CLIP1: variants seen among roughly 807,000 people sequenced by gnomAD.
The protein encoded by CLIP1 is CAP-Gly domain containing linker protein 1.
Under a neutral mutation model 161.6 loss-of-function variants are expected in CLIP1, and 66 were observed. That is an observed-to-expected ratio of 0.41 (90% CI 0.33 to 0.50). The LOEUF (loss-of-function observed/expected upper bound fraction) is 0.50. Among genes scored for constraint, CLIP1 ranks in the 20% least tolerant of loss-of-function variants. CLIP1 has a pLI of 0.27. For synonymous variants in CLIP1, 598 were observed against 626.2 expected (o/e 0.96, Z 0.67); for missense variants, 1,376 against 1,702.0 (o/e 0.81, Z 3.37).
At chr12:122,390,931 G>C (rs1011174157) in intron 1 of CLIP1, among the ~76,000 whole-genome samples, 2 of 152,126 alleles carry the variant, frequency 1.3e-5, no homozygotes, top group African/African-American at 4.8e-5. Context: ...CTACGCACCA[G>C]GGAGTAGGGC....
intron 20 of CLIP1, among the ~76,000 whole-genome samples, chr12:122,297,447 T>G (rs1423583209): frequency 2.0e-5 from 3 of 152,192 alleles, no homozygotes; most frequent in African/African-American, 7.2e-5. Context: ...TGTGAACGAA[T>G]GTGTCATAGT....
In CLIP1 at chr12:122,359,228, T is replaced by C. The variant is rs372014080; in HGVS notation, c.1005+1731A>G. On this transcript the variant is annotated intron_variant, in intron 5 of 25. Transcript: ENST00000620786. ...ATGGTGATTTTTGGCTTAGAAACCA[T>C]AAAGACACAAAAATAAGCTGTCTCA... 7.9e-5 allele frequency among the ~76,000 whole-genome samples: 12 copies of C among 152,288 alleles called. No individual in the cohort carries two copies. In the South Asian group the frequency reaches 2.1e-3, roughly 26 times the overall value.
At chr12:122,298,391 C>A (rs993093104) in intron 20 of CLIP1, among the ~76,000 whole-genome samples, 2 of 151,940 alleles carry the variant, frequency 1.3e-5, no homozygotes, top group African/African-American at 4.8e-5. Context: ...GGTGGATCAC[C>A]TGAGGTCGAG....
chr12:122,357,724 C>T (rs530336874), intron 5 of CLIP1, among the ~76,000 whole-genome samples: 10 of 143,072 alleles, frequency 7.0e-5, no homozygotes, highest in African/African-American at 2.6e-4. Flanking sequence ...CCGCCCCGTC[C>T]GGGAGGTGAG....
At chr12:122,332,277 A>T (rs1952009808) in intron 15 of CLIP1, among the ~76,000 whole-genome samples, 1 of 151,354 alleles carries the variant, frequency 6.6e-6, no homozygotes, top group South Asian at 2.1e-4. Flanking sequence ...ACTGGGCAAG[A>T]AGAGCAAAAC....
chr12:122,358,310 G>A (rs552805336), intron 5 of CLIP1, among the ~76,000 whole-genome samples: 3 of 151,890 alleles, frequency 2.0e-5, no homozygotes, highest in South Asian at 2.1e-4. Context: ...GCGGAAGGCC[G>A]CAGGGTCCTC....
chr12:122,418,188 G>A (rs1956819908), intron 1 of CLIP1, among the ~76,000 whole-genome samples: 1 of 151,950 alleles, frequency 6.6e-6, no homozygotes, highest in African/African-American at 2.4e-5. Flanking sequence ...ATTCACTGTT[G>A]TATCACCATC....
At chr12:122,337,514 C>T (rs1417794927) in intron 11 of CLIP1, among the ~76,000 whole-genome samples, 1 of 151,356 alleles carries the variant, frequency 6.6e-6, no homozygotes, top group Non-Finnish European at 1.5e-5. Flanking sequence ...GTCTCAAACT[C>T]CTAGACCCAA....
chr12:122,385,902 A>G (rs1252793694), intron 1 of CLIP1, among the ~76,000 whole-genome samples: 1 of 152,156 alleles, frequency 6.6e-6, no homozygotes, highest in Non-Finnish European at 1.5e-5. Context: ...AAGAGAATGC[A>G]GAGAAGAGGC....
chr12:122,349,308 T>A (rs1300056397), intron 9 of CLIP1, among the ~76,000 whole-genome samples: 1 of 152,246 alleles, frequency 6.6e-6, no homozygotes, highest in African/African-American at 2.4e-5. Flanking sequence ...CAAATACACA[T>A]TTAATGTGAT....
At chr12:122,408,650 TTC>T (rs752043105) in intron 1 of CLIP1, among the ~76,000 whole-genome samples, 3 of 151,852 alleles carry the variant, frequency 2.0e-5, no homozygotes, top group Non-Finnish European at 2.9e-5. Flanking sequence ...GCCCAGCCTA[TTC>T]TGTTTTTAAG....
intron 20 of CLIP1, among the ~76,000 whole-genome samples, chr12:122,297,703 G>A (rs1226371810): frequency 6.6e-6 from 1 of 152,208 alleles, no homozygotes; most frequent in Non-Finnish European, 1.5e-5. Context: ...TCCTGGAAGT[G>A]CAGAAGGTAA....
At chr12:122,353,926 C>CA (rs1294278937) in intron 7 of CLIP1, among the ~76,000 whole-genome samples, 1 of 151,900 alleles carries the variant, frequency 6.6e-6, no homozygotes, top group Non-Finnish European at 1.5e-5. Context: ...TCACTGCGCC[C>CA]AATCAGGCCA....
At chr12:122,379,151 A>C (rs940283655) in intron 2 of CLIP1, among the ~76,000 whole-genome samples, 8 of 151,818 alleles carry the variant, frequency 5.3e-5, no homozygotes, top group Admixed American at 2.6e-4. Context: ...ACCAAAAAAA[A>C]ACAAAAATTA....
At chr12:122,362,582 G>A (rs555492081) in intron 4 of CLIP1, among the ~76,000 whole-genome samples, 30 of 144,432 alleles carry the variant, frequency 2.1e-4, no homozygotes, top group East Asian at 1.2e-3. Flanking sequence ...CAGAGGTTGC[G>A]GTGAGCCAAG....
chr12:122,309,790 C>A lies in CLIP1; in HGVS notation c.3566G>T (p.Ser1189Ile). The stretch of plus-strand genomic sequence containing the variant: ...TTGATGACTTGTGACTTCGTCCCTG[C>A]TTCTCCCCAGCTCCTCAGCAAGTTT... ...NVKLAEELGR[S>I]RDEVTSHQKL... Residue 1189 changes from serine (S) to isoleucine (I), a missense_variant, in exon 20 of 26, where the codon AGC (serine) becomes ATC (isoleucine). Around this residue, in one of 6 missense-constraint regions of CLIP1, gnomAD observed 948 missense variants for 1,134.8 expected, o/e 0.84. Coordinates refer to ENST00000620786, the MANE Select transcript of CLIP1 (RefSeq NM_001247997.2). 4 of 1,613,126 alleles carry A rather than the reference C, an allele frequency of 2.5e-6. No homozygotes were observed. Among genetic ancestry groups the A allele is most frequent in the Non-Finnish European group, 2.5e-6 (3 of 1,180,030 alleles).
chr12:122,378,685 C>T (rs1210140429), intron 2 of CLIP1, among the ~76,000 whole-genome samples: 1 of 152,124 alleles, frequency 6.6e-6, no homozygotes, highest in Non-Finnish European at 1.5e-5. Flanking sequence ...ATTGAGTAGT[C>T]AATCGAAGCT....
At position 122,328,030 on chromosome 12, in the gene CLIP1, C is replaced by A; in HGVS notation, c.3166G>T (p.Asp1056Tyr). The change falls in exon 17 of 26, where the codon GAC (aspartate) becomes TAC (tyrosine). Residue 1056 changes from aspartate (D) to tyrosine (Y), a missense_variant. By Grantham distance (160) the Asp-to-Tyr change is radical. Around this residue, in one of 6 missense-constraint regions of CLIP1, gnomAD observed 948 missense variants for 1,134.8 expected, o/e 0.84. Transcript: ENST00000620786. ...NLQKTLLDTE[D>Y]KLKGAREENS... ...TCCTCCCGTGCGCCCTTCAGCTTGT[C>A]CTCTGTGTCCAGCAGCGTCTTCTGG... 1 of 1,614,210 alleles carries A rather than the reference C, an allele frequency of 6.2e-7. No homozygotes were observed. Among genetic ancestry groups the A allele is most frequent in the Non-Finnish European group, 8.5e-7 (1 of 1,180,042 alleles).
chr12:122,310,420 G>A (rs1350173322), intron 19 of CLIP1, among the ~76,000 whole-genome samples: 5 of 152,088 alleles, frequency 3.3e-5, no homozygotes, highest in Non-Finnish European at 7.3e-5. Flanking sequence ...AACTAGAGGC[G>A]GAATGCCCCA....
Sources: gnomAD v4.1 joint callset for allele counts (sites outside exome capture counted in the v4.1 genomes callset) on GRCh38, gnomAD v4.1.1 for gene constraint, gnomAD v4.1.1 regional missense constraint, MANE v1.5 for transcripts, NCBI Gene and HGNC (gene_info 2026-07-23, HGNC 2026-07-21) for gene names.